FAT3: variants seen among roughly 807,000 people sequenced by gnomAD.
FAT3 encodes protocadherin Fat 3.
Under a neutral mutation model 310.2 loss-of-function variants are expected in FAT3, and 95 were observed. The observed-to-expected ratio is 0.31, with a 90% CI of 0.26 to 0.36. FAT3 has a LOEUF of 0.36. Among genes scored for constraint, FAT3 ranks in the 10% least tolerant of loss-of-function variants. FAT3 has a pLI of 1.00. For missense variants in FAT3, 5,408 were observed against 5,715.6 expected, an observed-to-expected ratio of 0.95 and a Z score of 1.74; for synonymous variants, 2,314 against 2,192.9, an observed-to-expected ratio of 1.06 and a Z score of -1.54.
At chr11:92,846,453 A>T (rs1948687083) in intron 19 of FAT3, among the ~76,000 whole-genome samples, 1 of 152,198 alleles carries the variant, frequency 6.6e-6, no homozygotes, top group Non-Finnish European at 1.5e-5. Flanking sequence ...TGGTCAAAGG[A>T]AAGCTGTCTG....
intron 3 of FAT3, among the ~76,000 whole-genome samples, chr11:92,528,613 C>T (rs1262797438): frequency 6.6e-6 from 1 of 152,108 alleles, no homozygotes; most frequent in African/African-American, 2.4e-5. Flanking sequence ...GTCTCGATTT[C>T]CTGACCTCAT....
At chr11:92,381,248 G>A (rs574257279) in intron 2 of FAT3, among the ~76,000 whole-genome samples, 3 of 152,252 alleles carry the variant, frequency 2.0e-5, no homozygotes, top group East Asian at 1.9e-4. Context: ...AGTGGCTCAC[G>A]CCTGTAATCC....
At chr11:92,755,660 TTTTA>T (rs1281376942) in intron 4 of FAT3, among the ~76,000 whole-genome samples, 1 of 152,260 alleles carries the variant, frequency 6.6e-6, no homozygotes, top group East Asian at 1.9e-4. Context: ...TATTTGCAAT[TTTTA>T]TTTGTCAACT....
Position 92,328,531 on chromosome 11 carries a change from T to A in FAT3, c.-17-23565T>A, listed in dbSNP as rs548650520. Among the ~76,000 whole-genome samples, 9 of 152,326 alleles carry A rather than the reference T, an allele frequency of 5.9e-5. No individual in the cohort carries two copies. In the East Asian group the frequency reaches 1.7e-3, roughly 29 times the overall value. On this transcript the variant is annotated intron_variant, in intron 1 of 27. Coordinates refer to ENST00000525166, the MANE Select transcript of FAT3 (RefSeq NM_001367949.2). ...TTTACAGCTGAACCTCAGGGATTAA[T>A]CAGAAATTGTTCAGGGTTATCTGCC...
chr11:92,675,711 A>G (rs1355146570), intron 3 of FAT3, among the ~76,000 whole-genome samples: 1 of 152,212 alleles, frequency 6.6e-6, no homozygotes, highest in East Asian at 1.9e-4. Context: ...AGGTGCGTTT[A>G]TCTTACAAGA....
intron 22 of FAT3, among the ~76,000 whole-genome samples, chr11:92,880,417 G>T (rs1949646815): frequency 6.6e-6 from 1 of 151,190 alleles, no homozygotes; most frequent in South Asian, 2.1e-4. Flanking sequence ...ATAGTGCCGG[G>T]GAGAAAACAT....
intron 3 of FAT3, among the ~76,000 whole-genome samples, chr11:92,568,293 A>G (rs1387591039): frequency 6.6e-6 from 1 of 152,150 alleles, no homozygotes; most frequent in Non-Finnish European, 1.5e-5. Context: ...TGGTATTAAT[A>G]TGCATATTAA....
At chr11:92,227,501 A>G (rs1316582454) in intron 1 of FAT3, among the ~76,000 whole-genome samples, 2 of 152,198 alleles carry the variant, frequency 1.3e-5, no homozygotes, top group Non-Finnish European at 2.9e-5. Flanking sequence ...TTGAGGACCG[A>G]GGTGCCCACA....
intron 3 of FAT3, among the ~76,000 whole-genome samples, chr11:92,541,419 TA>T: frequency 6.6e-6 from 1 of 152,302 alleles, no homozygotes; most frequent in East Asian, 1.9e-4. Context: ...TGCTTTTGTT[TA>T]AACTCCTGTT....
rs775508425 is a variant in FAT3, at chr11:92,355,222, A to G, written c.3110A>G (p.Asn1037Ser). 2 of 1,612,534 alleles carry G rather than the reference A, an allele frequency of 1.2e-6. No individual in the cohort carries two copies. Among genetic ancestry groups the G allele is most frequent in the South Asian group, 2.2e-5 (2 of 90,994 alleles). ...VEVEVVDVNE[N>S]LHTPYFPDFA... is the part of the protein sequence containing the mutation. ...GTGGAAGTGGTGGATGTCAATGAAAACCTCCACACTCCCTATTTCCCAGAC... is the reference window on the plus strand; with the variant it reads ...GTGGAAGTGGTGGATGTCAATGAAAGCCTCCACACTCCCTATTTCCCAGAC... The change falls in exon 2 of 28, where the codon AAC (asparagine) becomes AGC (serine). Residue 1037 changes from asparagine (N) to serine (S), a missense_variant. Transcript: ENST00000525166.
chr11:92,761,866 C>A lies in FAT3; in HGVS notation c.3680C>A (p.Thr1227Lys), dbSNP rs1448604684. The change falls in exon 5 of 28, where the codon ACA becomes AAA. Residue 1227 changes from threonine to lysine, a missense_variant. Coordinates refer to ENST00000525166, the MANE Select transcript of FAT3 (RefSeq NM_001367949.2). The stretch of plus-strand genomic sequence containing the variant: ...TACTCTCTTTTTCAGGTGACTGTGA[C>A]AGATGGTGGTCCCTCTCCAAAACAG... ...QAEHFLEVTV[T>K]DGGPSPKQST... 1 of 1,613,122 alleles carries A rather than the reference C, an allele frequency of 6.2e-7. No homozygotes were observed. The highest frequency in any genetic ancestry group is 1.7e-5 in the Admixed American group (1 of 59,928).
intron 2 of FAT3, among the ~76,000 whole-genome samples, chr11:92,374,030 G>A (rs76555829): frequency 2.2e-4 from 31 of 142,218 alleles, no homozygotes; most frequent in African/African-American, 5.6e-4. Context: ...ACAGAGAGAG[G>A]GAGAGAGAGA....
At chr11:92,430,196 A>T (rs1950733927) in intron 2 of FAT3, among the ~76,000 whole-genome samples, 1 of 152,164 alleles carries the variant, frequency 6.6e-6, no homozygotes, top group Non-Finnish European at 1.5e-5. Flanking sequence ...GTGCTTCACA[A>T]AGTCCTCATG....
At chr11:92,522,894 C>T (rs1040137524) in intron 2 of FAT3, among the ~76,000 whole-genome samples, 1 of 152,134 alleles carries the variant, frequency 6.6e-6, no homozygotes, top group African/African-American at 2.4e-5. Flanking sequence ...TCTCCCAAAT[C>T]TGCTGAATAT....
chr11:92,827,203 G>C (rs1022196444), intron 13 of FAT3, among the ~76,000 whole-genome samples: 1 of 152,152 alleles, frequency 6.6e-6, no homozygotes, highest in Non-Finnish European at 1.5e-5. Flanking sequence ...TAACCGAATG[G>C]TATGAATCTG....
At chr11:92,793,098 G>A (rs1456694612) in intron 9 of FAT3, 121 bp downstream of exon 9, 2 of 1,021,046 alleles carry the variant, frequency 2.0e-6, no homozygotes, top group Non-Finnish European at 2.8e-6. Context: ...GAACTTTTTT[G>A]GCCAAGCCGC....
At chr11:92,299,063 T>C (rs922560122) in intron 1 of FAT3, among the ~76,000 whole-genome samples, 1 of 152,060 alleles carries the variant, frequency 6.6e-6, no homozygotes, top group African/African-American at 2.4e-5. Flanking sequence ...AGGGGTAGCT[T>C]TCTGTGGCTT....
chr11:92,394,113 T>C (rs1018703840), intron 2 of FAT3, among the ~76,000 whole-genome samples: 1 of 152,120 alleles, frequency 6.6e-6, no homozygotes, highest in African/African-American at 2.4e-5. Context: ...AGAATAACAT[T>C]GGCAAGTAAG....
intron 1 of FAT3, among the ~76,000 whole-genome samples, chr11:92,240,060 T>C (rs1864611487): frequency 6.6e-6 from 1 of 152,144 alleles, no homozygotes; most frequent in South Asian, 2.1e-4. Context: ...ATTTGAGTAA[T>C]AGGCAGCTAA....
Sources: allele counts gnomAD v4.1 joint callset (sites outside exome capture counted in the v4.1 genomes callset), GRCh38; gene constraint gnomAD v4.1.1; transcripts MANE v1.5; gene names NCBI Gene and HGNC (gene_info 2026-07-23, HGNC 2026-07-21).